Variants in TMEM131 observed in about 807,000 individuals in gnomAD.
TMEM131 encodes 2610524E03Rik.
TMEM131 carries 66 observed loss-of-function variants against 211.6 expected under a neutral mutation model. The ratio of observed to expected loss-of-function variants is 0.31; its 90% confidence interval spans 0.26 to 0.38. TMEM131 has a LOEUF of 0.38. Ranked by LOEUF, TMEM131 falls within the 10% of genes least tolerant of loss-of-function variation. The probability of loss-of-function intolerance (pLI) is 1.00; values close to 1 mark genes in which losing one functional copy is unlikely to be tolerated. For missense variants in TMEM131, 2,036 were observed against 2,299.3 expected (o/e 0.89, Z 2.34); for synonymous variants, 844 against 841.3 (o/e 1.00, Z -0.06).
At chr2:97,911,112 T>C (rs1676273694) in intron 2 of TMEM131, among the ~76,000 whole-genome samples, 1 of 152,090 alleles carries the variant, frequency 6.6e-6, no homozygotes. Flanking sequence ...GACTCAGCAA[T>C]AAAAAGAATA....
chr2:97,821,490 A>C (rs993228846), intron 11 of TMEM131, among the ~76,000 whole-genome samples: 3 of 152,146 alleles, frequency 2.0e-5, no homozygotes, highest in Non-Finnish European at 2.9e-5. Context: ...TCTTCACAAT[A>C]AATCTTGCTG....
At position 97,757,154 on chromosome 2, in the gene TMEM131, A is replaced by G. The variant is rs781494055; in HGVS notation, c.5597T>C (p.Ile1866Thr). ...YNPWRIWSPT[I>T]GRRSSDPWSN... is the part of the protein sequence containing the mutation. ...CCAAGGGTCCGAGCTTCTTCTTCCA[A>G]TCGTGGGGCTCCATATCCGCCACGG... Residue 1866 changes from isoleucine to threonine, a missense_variant, in exon 41 of 41, where the codon ATT becomes ACT. Ile to Thr is a moderately conservative substitution (Grantham distance 89). Coordinates refer to ENST00000186436, the MANE Select transcript of TMEM131 (RefSeq NM_015348.2). 1.2e-6 allele frequency: 2 copies of G among 1,613,406 alleles called. No homozygotes were observed. The highest frequency in any genetic ancestry group is 3.3e-5 in the Admixed American group (2 of 59,976).
At chr2:97,922,073 G>C (rs1269491339) in intron 2 of TMEM131, among the ~76,000 whole-genome samples, 1 of 152,170 alleles carries the variant, frequency 6.6e-6, no homozygotes. Context: ...TTTTTCCATG[G>C]ATGGGGGGTT....
At chr2:97,790,578 C>A (rs753309491) in intron 31 of TMEM131, among the ~76,000 whole-genome samples, 7 of 152,174 alleles carry the variant, frequency 4.6e-5, no homozygotes, top group Non-Finnish European at 8.8e-5. Context: ...TGGCCCATCA[C>A]GCTGGTGTTG....
chr2:97,882,016 G>A (rs945649497), intron 4 of TMEM131, among the ~76,000 whole-genome samples: 2 of 152,150 alleles, frequency 1.3e-5, no homozygotes, highest in Non-Finnish European at 2.9e-5. Context: ...TTTACTTTCT[G>A]CAGTGAAAAT....
intron 3 of TMEM131, among the ~76,000 whole-genome samples, chr2:97,891,286 C>T (rs971143850): frequency 7.2e-5 from 11 of 152,060 alleles, no homozygotes; most frequent in Non-Finnish European, 1.3e-4. Context: ...TTTTGAGAGA[C>T]AGGGGTCTCG....
intron 7 of TMEM131, among the ~76,000 whole-genome samples, chr2:97,840,257 A>G (rs1181843392): frequency 6.6e-6 from 1 of 152,248 alleles, no homozygotes; most frequent in Non-Finnish European, 1.5e-5. Context: ...CCAAAGGCTG[A>G]AGAGAAAAGG....
At chr2:97,773,288 C>A (rs1484162105) in intron 32 of TMEM131, among the ~76,000 whole-genome samples, 1 of 152,202 alleles carries the variant, frequency 6.6e-6, no homozygotes, top group Non-Finnish European at 1.5e-5. Flanking sequence ...TTACGGGTCA[C>A]CCGCTTGGTG....
At chr2:97,963,855 GTT>G in intron 1 of TMEM131, among the ~76,000 whole-genome samples, 1 of 152,098 alleles carries the variant, frequency 6.6e-6, no homozygotes, top group East Asian at 1.9e-4. Context: ...ATTTTTAAAA[GTT>G]TTTCTTCTAT....
chr2:97,838,543 C>T (rs1235001161), intron 7 of TMEM131, among the ~76,000 whole-genome samples: 1 of 144,162 alleles, frequency 6.9e-6, no homozygotes, highest in African/African-American at 2.5e-5. Flanking sequence ...CTCCTGGGTT[C>T]AAGTGATTCT....
intron 1 of TMEM131, among the ~76,000 whole-genome samples, chr2:97,947,200 G>C (rs1202683154): frequency 6.6e-6 from 1 of 151,678 alleles, no homozygotes; most frequent in African/African-American, 2.4e-5. Context: ...CATAGTGAAA[G>C]AATAAATGAA....
chr2:97,761,623 ACCAGGTCC>A (rs1337229473), intron 36 of TMEM131: 1 of 165,168 alleles, frequency 6.1e-6, no homozygotes, highest in African/African-American at 2.4e-5. Flanking sequence ...ACGGTCTTGG[ACCAGGTCC>A]TGCCCTTCTA....
In TMEM131 at chr2:97,800,562, C is replaced by T. The variant is rs550457629; in HGVS notation, c.2718+1333G>A. ...GTCAGGAGTTTGAAACTAGCCTGGC[C>T]AACATGGTGAAACCCCGGCTCTACT... On this transcript the variant is annotated intron_variant, in intron 25 of 40. Transcript: ENST00000186436. Among the ~76,000 whole-genome samples the T allele has an allele frequency of 2.1e-3, 276 of 131,034 alleles. 1 individual carries two copies. Among genetic ancestry groups the T allele is most frequent in the African/African-American group, 7.7e-3 (250 of 32,364 alleles). 86.0% of individuals were successfully genotyped at this position (131,034 alleles called of 152,430 possible).
chr2:97,836,922 T>G (rs935078085), intron 8 of TMEM131, among the ~76,000 whole-genome samples, 155 bp downstream of exon 8: 1 of 152,206 alleles, frequency 6.6e-6, no homozygotes, highest in African/African-American at 2.4e-5. Flanking sequence ...CCTCCTCCAA[T>G]TTTCATATAT....
intron 4 of TMEM131, among the ~76,000 whole-genome samples, chr2:97,875,948 T>C (rs970267181): frequency 7.9e-5 from 12 of 151,794 alleles, no homozygotes; most frequent in Non-Finnish European, 8.8e-5. Flanking sequence ...TTTGAAAAGG[T>C]CAACAAAATA....
chr2:97,793,385 G>T lies in TMEM131; in HGVS notation c.3545+10C>A. The T allele has an allele frequency of 6.2e-7, 1 of 1,608,156 alleles. No individual in the cohort carries two copies. Among genetic ancestry groups the T allele is most frequent in the Non-Finnish European group, 8.5e-7 (1 of 1,176,130 alleles). ...ACACTAGGGAATTTATTGCCAGCAT[G>T]TGAACATACTTTCCTTCAGATGAAA... On this transcript the variant is annotated intron_variant, in intron 30 of 40. Transcript: ENST00000186436.
rs145965544 is a variant in TMEM131, at chr2:97,903,777, G to A, written c.290+4881C>T. 9.3e-4 allele frequency among the ~76,000 whole-genome samples: 142 copies of A among 152,094 alleles called. 2 individuals are homozygous for A. In the East Asian group the frequency reaches 0.021, roughly 23 times the overall value. ...CGGCTCAATGCAACTTCCGCCTCCC[G>A]GGTTCAAGCAATTCTCCTGTCACAG... On this transcript the variant is annotated intron_variant, in intron 3 of 40. Coordinates refer to ENST00000186436, the MANE Select transcript of TMEM131 (RefSeq NM_015348.2).
chr2:97,953,666 A>C (rs2104540919), intron 1 of TMEM131, among the ~76,000 whole-genome samples: 1 of 152,316 alleles, frequency 6.6e-6, no homozygotes, highest in African/African-American at 2.4e-5. Context: ...CAGGATCTAA[A>C]AGACATCTCC....
In TMEM131 at chr2:97,870,051, C is replaced by G. The variant is rs940599823; in HGVS notation, c.360-10624G>C. Reference sequence around the variant, plus strand: ...TTCAAAAGCAGCACGAAGAAACTCTCTTGCATCCAATATCTCCCTTACCTC... The same window carrying G: ...TTCAAAAGCAGCACGAAGAAACTCTGTTGCATCCAATATCTCCCTTACCTC... On this transcript the variant is annotated intron_variant, in intron 4 of 40. Transcript: ENST00000186436. 2.6e-5 allele frequency among the ~76,000 whole-genome samples: 4 copies of G among 152,164 alleles called. No homozygotes were observed. The East Asian group carries it at 7.7e-4, about 29-fold the overall frequency.
Sources: gnomAD v4.1 joint callset for allele counts (sites outside exome capture counted in the v4.1 genomes callset) on GRCh38, gnomAD v4.1.1 for gene constraint, MANE v1.5 for transcripts, NCBI Gene and HGNC (gene_info 2026-07-23, HGNC 2026-07-21) for gene names.